The following ZNF627 variants were observed in gnomAD, a reference collection of about 807,000 sequenced individuals.
ZNF627 encodes the protein zinc finger protein 627.
In ZNF627, 12 loss-of-function variants were observed where a neutral mutation model predicts 10.6. The ratio of observed to expected loss-of-function variants is 1.13; its 90% confidence interval spans 0.73 to 1.84. ZNF627 has a LOEUF of 1.84. ZNF627 is among the 40% of genes most tolerant of loss of function. The pLI is 0.00. For missense variants in ZNF627, 504 were observed against 568.4 expected (o/e 0.89, Z 1.15); for synonymous variants, 176 against 187.1 (o/e 0.94, Z 0.48).
chr19:11,603,397 TCAGTCTCCCAACA>T (rs148998237), intron 1 of ZNF627, among the ~76,000 whole-genome samples: 2,215 of 146,010 alleles, frequency 0.015, 35 homozygotes, highest in Middle Eastern at 0.05. Context: ...TTCTCCCACC[TCAGTCTCCCAACA>T]AGCTAGGACT....
chr19:11,600,332 T>G (rs1314431705), intron 1 of ZNF627, among the ~76,000 whole-genome samples: 1 of 151,428 alleles, frequency 6.6e-6, no homozygotes, highest in Non-Finnish European at 1.5e-5. Context: ...GCCAGCTACT[T>G]GGGAGGCTGA....
chr19:11,612,356 G>A (rs560449524), intron 1 of ZNF627, among the ~76,000 whole-genome samples: 4 of 149,956 alleles, frequency 2.7e-5, no homozygotes, highest in South Asian at 4.2e-4. Flanking sequence ...TCCTGACCTC[G>A]TGATCCGCCT....
At position 11,617,699 on chromosome 19, in the gene ZNF627, C is replaced by T. The variant is rs764894606; in HGVS notation, c.1196C>T (p.Ala399Val). 15 of 1,613,042 alleles carry T rather than the reference C, an allele frequency of 9.3e-6. No individual in the cohort carries two copies. The highest frequency in any genetic ancestry group is 1.3e-5 in the Non-Finnish European group (15 of 1,179,660). Residue 399 changes from alanine (A) to valine (V), a missense_variant, in exon 4 of 4, where the codon GCC (alanine) becomes GTC (valine). Coordinates refer to ENST00000361113, the MANE Select transcript of ZNF627 (RefSeq NM_145295.4). ...TATAAATGTACAAAATGTGGGAAAG[C>T]CTTCAGTCGTTCCAGTTACTTCCGA... ...KPYKCTKCGK[A>V]FSRSSYFRIH...
intron 3 of ZNF627, 23 bp from the exon 4 acceptor site, chr19:11,616,672 G>A (rs1973872937): frequency 1.4e-6 from 2 of 1,438,982 alleles, no homozygotes; most frequent in South Asian, 1.4e-5. Context: ...CATTAATAAT[G>A]TACTTCTCAT....
At chr19:11,607,754 C>T (rs980985890) in intron 1 of ZNF627, among the ~76,000 whole-genome samples, 2 of 152,160 alleles carry the variant, frequency 1.3e-5, no homozygotes, top group African/African-American at 4.8e-5. Context: ...CTAGGAAGTT[C>T]CAGACTTTCC....
intron 1 of ZNF627, among the ~76,000 whole-genome samples, chr19:11,613,860 A>T (rs927070678): frequency 7.2e-5 from 11 of 151,800 alleles, no homozygotes; most frequent in Admixed American, 2.6e-4. Context: ...ATTTCTAAAG[A>T]TACACAGTCT....
intron 1 of ZNF627, among the ~76,000 whole-genome samples, chr19:11,600,439 CA>C (rs200869064): frequency 6.7e-6 from 1 of 148,260 alleles, no homozygotes. Context: ...GACTCCATCT[CA>C]AAAAAAAAAT....
At position 11,614,830 on chromosome 19, in the gene ZNF627, A is replaced by G; in HGVS notation, c.134A>G (p.Lys45Arg). 1 of 1,603,458 alleles carries G rather than the reference A, an allele frequency of 6.2e-7. No individual in the cohort carries two copies. The highest frequency in any genetic ancestry group is 1.1e-5 in the South Asian group (1 of 88,228). The stretch of plus-strand genomic sequence containing the variant: ...CTTTTCTGGGTCTAAATTTTAGGAA[A>G]ACAATGGGAAGACCAGAACATTGAA... ...ETFRNLASVG[K>R]QWEDQNIEDP... is the part of the protein sequence containing the mutation. The change falls in exon 3 of 4, where the codon AAA (lysine) becomes AGA (arginine). Residue 45 changes from lysine to arginine, a missense_variant. By Grantham distance (26) the Lys-to-Arg change is conservative. Coordinates refer to ENST00000361113, the MANE Select transcript of ZNF627 (RefSeq NM_145295.4).
rs779485764 is a variant in ZNF627 at position 11,616,710 on chromosome 19, ACT to A, written c.210_211del (p.Cys71Ter). The A allele has an allele frequency of 3.1e-6, 5 of 1,587,306 alleles. No individual in the cohort carries two copies. The highest frequency in any genetic ancestry group is 4.3e-6 in the Non-Finnish European group (5 of 1,167,210). Reference protein sequence around the residue: ...RRNISHIPERLCESKEGGQGE... With the variant: ...RRNISHIPERXCESKEGGQGE... ...TTCTGACAAGTCATATTCCAGAGAG[ACT>A]CTGTGAAAGTAAAGAAGGTGGTCAA... is the stretch of plus-strand genomic sequence containing the variant. On this transcript the variant is annotated frameshift_variant, in exon 4 of 4. Coordinates refer to ENST00000361113, the MANE Select transcript of ZNF627 (RefSeq NM_145295.4). LOFTEE classifies it low-confidence loss of function (END_TRUNC).
At chr19:11,609,527 T>C (rs1468782361) in intron 1 of ZNF627, among the ~76,000 whole-genome samples, 26 of 104,852 alleles carry the variant, frequency 2.5e-4, no homozygotes, top group East Asian at 9.4e-4. Flanking sequence ...ATGTATTTTT[T>C]CCCCCCCGAG....
chr19:11,612,383 G>GTGC (rs1363019277), intron 1 of ZNF627, among the ~76,000 whole-genome samples: 1 of 146,066 alleles, frequency 6.8e-6, no homozygotes, highest in African/African-American at 2.5e-5. Context: ...GCCTCCCAAA[G>GTGC]TGCTGGGATT....
At chr19:11,615,944 C>T (rs984480017) in intron 3 of ZNF627, among the ~76,000 whole-genome samples, 25 of 151,444 alleles carry the variant, frequency 1.7e-4, no homozygotes, top group Admixed American at 2.0e-4. Context: ...GTCTTGAACT[C>T]CTGACCTCAG....
intron 1 of ZNF627, among the ~76,000 whole-genome samples, chr19:11,598,913 G>A (rs1399802271): frequency 6.6e-6 from 1 of 152,134 alleles, no homozygotes; most frequent in Admixed American, 6.6e-5. Context: ...CTGGTGCCAT[G>A]GCTCATGTCT....
intron 1 of ZNF627, among the ~76,000 whole-genome samples, chr19:11,603,216 G>A (rs1282860506): frequency 2.0e-5 from 3 of 151,480 alleles, no homozygotes; most frequent in Non-Finnish European, 4.4e-5. Context: ...GGATGGTGGT[G>A]GAATACAAAC....
At position 11,617,141 on chromosome 19, in the gene ZNF627, A is replaced by G; in HGVS notation, c.638A>G (p.His213Arg). The stretch of plus-strand genomic sequence containing the variant: ...GATTATCCCAGTTTATTTCGTATAC[A>G]TGAAAGAAGTCACACTGGAGAGAAA... ...AFDYPSLFRI[H>R]ERSHTGEKPY... Residue 213 changes from histidine to arginine, a missense_variant, in exon 4 of 4, where the codon CAT becomes CGT. Coordinates refer to ENST00000361113, the MANE Select transcript of ZNF627 (RefSeq NM_145295.4). The G allele has an allele frequency of 6.2e-7, 1 of 1,614,040 alleles. No homozygotes were observed. Among genetic ancestry groups the G allele is most frequent in the Non-Finnish European group, 8.5e-7 (1 of 1,180,010 alleles).
intron 1 of ZNF627, among the ~76,000 whole-genome samples, chr19:11,613,274 G>A (rs1973810531): frequency 7.3e-6 from 1 of 137,512 alleles, no homozygotes; most frequent in East Asian, 2.2e-4. Flanking sequence ...GCCTCCCAAA[G>A]TGCTGGGATT....
At chr19:11,609,150 C>T (rs547930398) in intron 1 of ZNF627, among the ~76,000 whole-genome samples, 91 of 152,228 alleles carry the variant, frequency 6.0e-4, no homozygotes, top group African/African-American at 2.1e-3. Context: ...GGATTATAGG[C>T]GTGAGCCACC....
chr19:11,600,176 C>T (rs1433778100), intron 1 of ZNF627, among the ~76,000 whole-genome samples: 4 of 152,240 alleles, frequency 2.6e-5, no homozygotes, highest in Middle Eastern at 6.8e-3. Flanking sequence ...CGCGATGGCT[C>T]ACGCATGTAA....
At chr19:11,598,668 A>G (rs1364245892) in intron 1 of ZNF627, among the ~76,000 whole-genome samples, 3 of 152,150 alleles carry the variant, frequency 2.0e-5, no homozygotes, top group African/African-American at 7.2e-5. Flanking sequence ...TCCAGTCACG[A>G]CATTATCAAC....
Sources: allele counts gnomAD v4.1 joint callset (sites outside exome capture counted in the v4.1 genomes callset), GRCh38; gene constraint gnomAD v4.1.1; transcripts MANE v1.5; gene names NCBI Gene and HGNC (gene_info 2026-07-23, HGNC 2026-07-21).